Variants in MYO18A observed in about 807,000 individuals in gnomAD.
MYO18A encodes the protein myosin XVIIIA, also known as unconventional myosin-XVIIIa.
Under a neutral mutation model 235.8 loss-of-function variants are expected in MYO18A, and 78 were observed. The ratio of observed to expected loss-of-function variants is 0.33; its 90% CI spans 0.28 to 0.40. The LOEUF (loss-of-function observed/expected upper bound fraction) is 0.40, where lower values mean the gene tolerates loss of function less well. MYO18A is among the 10% of genes least tolerant of loss of function. MYO18A has a pLI of 1.00. For missense variants in MYO18A, 2,215 were observed against 2,699.3 expected, an observed-to-expected ratio of 0.82 and a Z score of 3.98; for synonymous variants, 977 against 1,077.8, an observed-to-expected ratio of 0.91 and a Z score of 1.83.
chr17:29,117,163 TA>T lies in MYO18A; in HGVS notation c.2039-709del, dbSNP rs1381901368. ...GTTCAGCGCCAGCATCCCCTTTCCC[TA>T]AACTGGAGAAAAAGGGGGTGAAGAG... On this transcript the variant is annotated intron_variant, in intron 10 of 41. Coordinates refer to ENST00000527372, the MANE Select transcript of MYO18A (RefSeq NM_078471.4). This position sits in a 1 kb window ranked among gnomAD's most constrained non-coding sequence, Gnocchi z 4.6. 6.6e-6 allele frequency among the ~76,000 whole-genome samples: 1 copy of T among 151,932 alleles called. No individual in the cohort carries two copies. Among genetic ancestry groups the T allele is most frequent in the Non-Finnish European group, 1.5e-5 (1 of 67,974 alleles).
chr17:29,084,377 G>T (rs1262497161), intron 40 of MYO18A, among the ~76,000 whole-genome samples: 1 of 152,194 alleles, frequency 6.6e-6, no homozygotes. Flanking sequence ...CAGAACAGTG[G>T]ATGGGTTGCA....
chr17:29,179,600 C>T (rs562893090), intron 1 of MYO18A, among the ~76,000 whole-genome samples: 29 of 152,308 alleles, frequency 1.9e-4, no homozygotes, highest in African/African-American at 6.7e-4. Flanking sequence ...CTTGTCCGAC[C>T]TTCCCACACG....
intron 2 of MYO18A, among the ~76,000 whole-genome samples, chr17:29,154,752 C>A (rs1457848577): frequency 6.6e-6 from 1 of 152,250 alleles, no homozygotes; most frequent in Non-Finnish European, 1.5e-5. Context: ...GGCACACTAG[C>A]TCCCACAGCC....
chr17:29,156,994 G>A lies in MYO18A; in HGVS notation c.999+8948C>T, dbSNP rs539982230. On this transcript the variant is annotated intron_variant, in intron 2 of 41. Coordinates refer to ENST00000527372, the MANE Select transcript of MYO18A (RefSeq NM_078471.4). ...CACAACACACAGAGGAAACAACAGC[G>A]TGGCCCTGAGCAACACGGCGAGCCC... Among the ~76,000 whole-genome samples the A allele has an allele frequency of 4.6e-5, 7 of 152,338 alleles. No homozygotes were observed. In the South Asian group the frequency reaches 1.2e-3, roughly 27 times the overall value.
intron 14 of MYO18A, 55 bp from the exon 15 acceptor site, chr17:29,114,152 C>T: frequency 7.3e-7 from 1 of 1,379,148 alleles, no homozygotes; most frequent in Non-Finnish European, 1.0e-6. Context: ...TGGGGAACAG[C>T]CTTGTGAGTA....
At chr17:29,088,765 T>C (rs2066321540) in intron 37 of MYO18A, among the ~76,000 whole-genome samples, 1 of 152,176 alleles carries the variant, frequency 6.6e-6, no homozygotes, top group Non-Finnish European at 1.5e-5. Flanking sequence ...TGGTCCAGCA[T>C]GGTGGCTCAT....
At chr17:29,128,111 CG>C in intron 2 of MYO18A, 1 of 1,062,258 alleles carries the variant, frequency 9.4e-7, no homozygotes, top group African/African-American at 1.7e-5. Context: ...GCCCCTGCCC[CG>C]AGACATCAGG....
At chr17:29,174,991 C>T (rs1395942305) in intron 1 of MYO18A, among the ~76,000 whole-genome samples, 1 of 152,122 alleles carries the variant, frequency 6.6e-6, no homozygotes, top group Non-Finnish European at 1.5e-5. Context: ...TATATATGTG[C>T]ATGAATATAT....
chr17:29,090,324 G>A (rs1209705518), intron 36 of MYO18A, among the ~76,000 whole-genome samples: 1 of 152,244 alleles, frequency 6.6e-6, no homozygotes, highest in Non-Finnish European at 1.5e-5. Context: ...GGATCGGAGA[G>A]GGAATACAGA....
chr17:29,079,954 T>C (rs1423519481), intron 41 of MYO18A: 2 of 985,876 alleles, frequency 2.0e-6, no homozygotes, highest in African/African-American at 1.7e-5. Context: ...TCTTCTCGAC[T>C]TGGACTTCTT....
chr17:29,122,102 A>AT, intron 3 of MYO18A, 64 bp downstream of exon 3: 1 of 1,563,166 alleles, frequency 6.4e-7, no homozygotes, highest in South Asian at 1.1e-5. Flanking sequence ...CAGAAGGCAC[A>AT]TTCGCTGCCC....
chr17:29,093,227 C>A, intron 32 of MYO18A, 96 bp downstream of exon 32: 1 of 1,202,322 alleles, frequency 8.3e-7, no homozygotes, highest in South Asian at 1.4e-5. Flanking sequence ...CCACCCCCGA[C>A]AGCTCTGTTC....
rs1292289490 is a variant in MYO18A at position 29,125,984 on chromosome 17, T to C, written c.1000-3731A>G. The C allele has an allele frequency of 3.0e-6, 3 of 984,976 alleles. No homozygotes were observed. The highest frequency in any genetic ancestry group is 6.2e-5 in the Admixed American group (1 of 16,256). The allele number at this position is 984,976 out of a possible 1,614,324, so 61.0% of individuals were successfully genotyped here. ...AGCTCCTGCCTAAAGGTTAAACCAC[T>C]ATTAGTCCCAGCCCAGAAATGGAGA... On this transcript the variant is annotated intron_variant, in intron 2 of 41. Coordinates refer to ENST00000527372, the MANE Select transcript of MYO18A (RefSeq NM_078471.4). This position sits in a 1 kb window ranked among gnomAD's most constrained non-coding sequence, Gnocchi z 5.1.
intron 22 of MYO18A, 44 bp from the exon 23 acceptor site, chr17:29,099,013 C>A (rs756507135): frequency 1.4e-4 from 225 of 1,608,324 alleles, no homozygotes; most frequent in Non-Finnish European, 1.8e-4. Context: ...CTCTCAGTCA[C>A]CCTGGCCAAG....
intron 18 of MYO18A, 47 bp downstream of exon 18, chr17:29,110,389 A>C (rs770318484): frequency 1.1e-5 from 16 of 1,519,478 alleles, no homozygotes; most frequent in Non-Finnish European, 1.3e-5. Flanking sequence ...TACCAGGGGT[A>C]AGGAAGGGTC....
At position 29,115,022 on chromosome 17, in the gene MYO18A, C is replaced by A; in HGVS notation, c.2396G>T (p.Gly799Val). Residue 799 changes from glycine (G) to valine (V), a missense_variant, in exon 14 of 42, where the codon GGT (glycine) becomes GTT (valine). Transcript: ENST00000527372. ...AAAGGAGGCTCCGCGGGCTGACCCA[C>A]CCTGCTCAGGGTTCTGGAAGCCCGG... ...DTPGFQNPEQGGSARGASFEE... is the reference protein window; with the variant it reads ...DTPGFQNPEQVGSARGASFEE... 1 of 1,613,918 alleles carries A rather than the reference C, an allele frequency of 6.2e-7. No homozygotes were observed. Among genetic ancestry groups the A allele is most frequent in the Non-Finnish European group, 8.5e-7 (1 of 1,179,886 alleles).
chr17:29,101,179 G>A (rs1159819723), intron 21 of MYO18A, among the ~76,000 whole-genome samples: 4 of 151,014 alleles, frequency 2.6e-5, no homozygotes, highest in African/African-American at 7.3e-5. Flanking sequence ...TGTATTTTTT[G>A]TAGAGATGGG....
At position 29,086,553 on chromosome 17, in the gene MYO18A, C is replaced by A. The variant is rs1375155404; in HGVS notation, c.5737G>T (p.Ala1913Ser). The A allele has an allele frequency of 1.9e-6, 3 of 1,613,236 alleles. No individual in the cohort carries two copies. The highest frequency in any genetic ancestry group is 1.3e-5 in the African/African-American group (1 of 74,916). The change falls in exon 39 of 42, where the codon GCT becomes TCT. Residue 1913 changes from alanine to serine, a missense_variant. Ala to Ser is a moderately conservative substitution (Grantham distance 99, BLOSUM62 1). Coordinates refer to ENST00000527372, the MANE Select transcript of MYO18A (RefSeq NM_078471.4). The part of the protein sequence containing the change: ...ELEMDLESLE[A>S]ANQSLQADLK... ...TCAGCCTGCAGGCTCTGGTTAGCAG[C>A]CTCCAGGCTTTCTAGATCCATCTCC...
At chr17:29,127,749 T>C (rs2067358455) in intron 2 of MYO18A, 4 of 588,126 alleles carry the variant, frequency 6.8e-6, no homozygotes, top group Non-Finnish European at 8.6e-6. Context: ...CTCTCGGTCA[T>C]GCGGGGTTCG....
Sources: allele counts gnomAD v4.1 joint callset (sites outside exome capture counted in the v4.1 genomes callset), GRCh38; gene constraint gnomAD v4.1.1; non-coding constraint Gnocchi (gnomAD v3.1); transcripts MANE v1.5; gene names NCBI Gene and HGNC (gene_info 2026-07-23, HGNC 2026-07-21).